Variants in ARL15 observed in about 807,000 individuals in gnomAD.
ARL15 encodes the protein ADP-ribosylation factor-like protein 15.
Under a neutral mutation model 25.2 loss-of-function variants are expected in ARL15, and 19 were observed. The ratio of observed to expected loss-of-function variants is 0.75; its 90% confidence interval spans 0.53 to 1.10. The LOEUF (loss-of-function observed/expected upper bound fraction) is 1.10. Among genes scored for constraint, ARL15 ranks in the 50% least tolerant of loss-of-function variants. The pLI, the probability that ARL15 is intolerant of heterozygous loss-of-function variation, is 0.00. For synonymous variants in ARL15, 94 were observed against 86.8 expected (o/e 1.08, Z -0.46); for missense variants, 220 against 246.0 (o/e 0.89, Z 0.71).
At chr5:54,191,883 C>T (rs1383319361) in intron 1 of ARL15, among the ~76,000 whole-genome samples, 1 of 152,106 alleles carries the variant, frequency 6.6e-6, no homozygotes, top group Non-Finnish European at 1.5e-5. Context: ...CAAAATACTC[C>T]AAAGGCTCCC....
At chr5:53,972,450 A>G (rs759596283) in intron 4 of ARL15, among the ~76,000 whole-genome samples, 4 of 152,156 alleles carry the variant, frequency 2.6e-5, no homozygotes, top group Non-Finnish European at 5.9e-5. Context: ...AAGTAGTGCT[A>G]TTTGTTAACC....
At chr5:54,221,872 A>ACAC (rs1756388019) in intron 1 of ARL15, among the ~76,000 whole-genome samples, 1 of 141,962 alleles carries the variant, frequency 7.0e-6, no homozygotes, top group Admixed American at 7.0e-5. Flanking sequence ...CACACACACA[A>ACAC]AACCCTCATG....
intron 1 of ARL15, among the ~76,000 whole-genome samples, chr5:54,247,777 T>C (rs1351253378): frequency 6.6e-6 from 1 of 152,118 alleles, no homozygotes; most frequent in African/African-American, 2.4e-5. Flanking sequence ...TTACTCAATA[T>C]AACATACTAA....
intron 1 of ARL15, among the ~76,000 whole-genome samples, chr5:54,178,864 A>G (rs1429068589): frequency 6.6e-6 from 1 of 152,152 alleles, no homozygotes; most frequent in Non-Finnish European, 1.5e-5. Flanking sequence ...AATACAACAC[A>G]TTACAAAATG....
intron 1 of ARL15, among the ~76,000 whole-genome samples, chr5:54,199,774 C>T (rs930315550): frequency 3.0e-5 from 4 of 135,410 alleles, no homozygotes; most frequent in Non-Finnish European, 6.4e-5. Flanking sequence ...TACCATTTGA[C>T]CCAGCCATCC....
chr5:54,064,386 A>G (rs2112042524), intron 4 of ARL15, among the ~76,000 whole-genome samples: 1 of 152,362 alleles, frequency 6.6e-6, no homozygotes, highest in Non-Finnish European at 1.5e-5. Flanking sequence ...CAGTGCTTTC[A>G]GCATAGTAGG....
At chr5:53,979,019 T>C (rs540565801) in intron 4 of ARL15, among the ~76,000 whole-genome samples, 3 of 152,300 alleles carry the variant, frequency 2.0e-5, no homozygotes, top group South Asian at 2.1e-4. Flanking sequence ...TTAAGAGACT[T>C]TGTGTCTTTA....
chr5:53,969,262 T>A (rs1747662285), intron 4 of ARL15, among the ~76,000 whole-genome samples: 1 of 152,206 alleles, frequency 6.6e-6, no homozygotes, highest in Non-Finnish European at 1.5e-5. Context: ...GCATATTTTT[T>A]AAAAACTGAA....
At chr5:54,287,284 G>A (rs250386) in intron 1 of ARL15, among the ~76,000 whole-genome samples, 42,064 of 151,692 alleles carry the variant, frequency 0.28, 7,049 homozygotes, top group African/African-American at 0.48. Context: ...AGGAGAAAGC[G>A]GTAATTAAAC....
intron 3 of ARL15, among the ~76,000 whole-genome samples, chr5:54,150,204 C>T (rs1754028858): frequency 6.6e-6 from 1 of 152,114 alleles, no homozygotes; most frequent in African/African-American, 2.4e-5. Context: ...TAAATATTTG[C>T]TGAATGAATG....
chr5:54,057,056 G>A (rs1750898012), intron 4 of ARL15, among the ~76,000 whole-genome samples: 1 of 143,240 alleles, frequency 7.0e-6, no homozygotes, highest in South Asian at 2.2e-4. Flanking sequence ...AAAATGTATA[G>A]TCTAATAAAA....
At chr5:53,965,607 A>G (rs941480389) in intron 4 of ARL15, among the ~76,000 whole-genome samples, 8 of 149,810 alleles carry the variant, frequency 5.3e-5, no homozygotes, top group African/African-American at 1.2e-4. Context: ...GCATTTTGGG[A>G]TTCTATTTCT....
intron 4 of ARL15, among the ~76,000 whole-genome samples, chr5:54,002,435 A>G (rs1355998077): frequency 1.3e-5 from 2 of 152,166 alleles, no homozygotes; most frequent in Admixed American, 6.5e-5. Flanking sequence ...AAGAGTGTCA[A>G]TTGCAACTTT....
intron 1 of ARL15, among the ~76,000 whole-genome samples, chr5:54,228,805 C>A (rs1272642384): frequency 6.6e-6 from 1 of 152,124 alleles, no homozygotes; most frequent in African/African-American, 2.4e-5. Flanking sequence ...TCTAAGAATT[C>A]TTTACTTAAG....
intron 1 of ARL15, among the ~76,000 whole-genome samples, chr5:54,258,716 G>GTTGCCTC (rs1757427440): frequency 3.3e-5 from 5 of 152,286 alleles, no homozygotes; most frequent in African/African-American, 1.2e-4. Flanking sequence ...AAGGGGAATG[G>GTTGCCTC]AAGGAGAGGG....
At chr5:54,009,937 G>A (rs750305315) in intron 4 of ARL15, among the ~76,000 whole-genome samples, 13 of 152,002 alleles carry the variant, frequency 8.6e-5, no homozygotes, top group Middle Eastern at 3.4e-3. Flanking sequence ...GGTGAGGTGA[G>A]AGAAAGGGAG....
In ARL15 at chr5:54,198,932, T is replaced by C. The variant is rs367804890; in HGVS notation, c.49-27004A>G. ...CTACAGTAACCAAAACAGCATGGTATTGGTACCAAAACAGAGATATAGATC... is the reference window on the plus strand; with the variant it reads ...CTACAGTAACCAAAACAGCATGGTACTGGTACCAAAACAGAGATATAGATC... On this transcript the variant is annotated intron_variant, in intron 1 of 4. Transcript: ENST00000504924. Among the ~76,000 whole-genome samples the C allele has an allele frequency of 7.4e-4, 112 of 151,956 alleles. No individual in the cohort carries two copies. In the East Asian group the frequency reaches 0.01, roughly 14 times the overall value.
At chr5:54,129,790 A>T (rs549847493) in intron 3 of ARL15, among the ~76,000 whole-genome samples, 1 of 152,366 alleles carries the variant, frequency 6.6e-6, no homozygotes, top group Non-Finnish European at 1.5e-5. Context: ...ATTTTAAAGC[A>T]AACCGTTAAT....
intron 1 of ARL15, among the ~76,000 whole-genome samples, chr5:54,195,963 A>G (rs758178634): frequency 1.3e-5 from 2 of 152,148 alleles, no homozygotes; most frequent in Non-Finnish European, 2.9e-5. Context: ...GAAAAGCTGT[A>G]GCCCATCTTC....
Sources: gnomAD v4.1 joint callset for allele counts (sites outside exome capture counted in the v4.1 genomes callset) on GRCh38, gnomAD v4.1.1 for gene constraint, MANE v1.5 for transcripts, NCBI Gene and HGNC (gene_info 2026-07-23, HGNC 2026-07-21) for gene names.